Variants in ZNF609 observed in about 807,000 individuals in gnomAD.
ZNF609 encodes the protein zinc finger protein 609.
Under a neutral mutation model 109.5 loss-of-function variants are expected in ZNF609, and 11 were observed. The observed-to-expected ratio is 0.10, with a 90% CI of 0.06 to 0.17. The LOEUF is 0.17. Among genes scored for constraint, ZNF609 ranks in the 10% least tolerant of loss-of-function variants. The pLI is 1.00. For synonymous variants in ZNF609, 646 were observed against 662.0 expected, an observed-to-expected ratio of 0.98 and a Z score of 0.37; for missense variants, 1,559 against 1,772.4, an observed-to-expected ratio of 0.88 and a Z score of 2.16.
intron 3 of ZNF609, among the ~76,000 whole-genome samples, chr15:64,624,294 T>A (rs1041220862): frequency 6.6e-6 from 1 of 152,200 alleles, no homozygotes; most frequent in African/African-American, 2.4e-5. Flanking sequence ...TCTGGATATG[T>A]GTATACAATA....
chr15:64,488,827 C>CTT (rs1893368156), intron 1 of ZNF609, among the ~76,000 whole-genome samples: 1 of 151,832 alleles, frequency 6.6e-6, no homozygotes, highest in African/African-American at 2.4e-5. Context: ...AATTCCAGCA[C>CTT]TTTGGGAGGC....
At chr15:64,636,994 C>T (rs1879135183) in intron 3 of ZNF609, among the ~76,000 whole-genome samples, 1 of 152,140 alleles carries the variant, frequency 6.6e-6, no homozygotes, top group African/African-American at 2.4e-5. Context: ...CATGTGATAC[C>T]AGCACCTAGA....
chr15:64,481,911 A>T (rs1488087867), intron 1 of ZNF609, among the ~76,000 whole-genome samples: 1 of 151,950 alleles, frequency 6.6e-6, no homozygotes, highest in Non-Finnish European at 1.5e-5. Flanking sequence ...CAGCCTCCTG[A>T]GTAGCTGGGA....
chr15:64,575,603 CT>C (rs1301778219), intron 2 of ZNF609, among the ~76,000 whole-genome samples: 1 of 151,990 alleles, frequency 6.6e-6, no homozygotes, highest in Admixed American at 6.6e-5. Context: ...ACCGAATTCT[CT>C]TTTCTTATTC....
chr15:64,522,971 TAA>T (rs34889677), intron 2 of ZNF609, among the ~76,000 whole-genome samples: 641 of 146,124 alleles, frequency 4.4e-3, no homozygotes, highest in Non-Finnish European at 4.8e-3. Flanking sequence ...ACATTGTGGT[TAA>T]AAAAAAAAAA....
At chr15:64,645,438 T>A (rs1303136375) in intron 3 of ZNF609, among the ~76,000 whole-genome samples, 1 of 151,962 alleles carries the variant, frequency 6.6e-6, no homozygotes, top group Non-Finnish European at 1.5e-5. Flanking sequence ...TCCTCTGATT[T>A]TTTTTTTTAA....
At chr15:64,636,401 T>C (rs1227380105) in intron 3 of ZNF609, among the ~76,000 whole-genome samples, 3 of 152,198 alleles carry the variant, frequency 2.0e-5, no homozygotes, top group African/African-American at 7.2e-5. Flanking sequence ...GTTTTCTCCT[T>C]AGGGTATCTA....
Position 64,670,332 on chromosome 15 carries a change from C to T in ZNF609, c.974-14C>T. ...GGTGTGTCTTGTCTATATCTATGTGCTCTTATTTTCCAGGGATGTTGGTGG... is the reference window on the plus strand; with the variant it reads ...GGTGTGTCTTGTCTATATCTATGTGTTCTTATTTTCCAGGGATGTTGGTGG... On this transcript the variant is annotated splice_polypyrimidine_tract_variant and intron_variant, in intron 3 of 9. Transcript: ENST00000326648. 1 of 1,609,426 alleles carries T rather than the reference C, an allele frequency of 6.2e-7. No homozygotes were observed. The highest frequency in any genetic ancestry group is 8.5e-7 in the Non-Finnish European group (1 of 1,175,868).
intron 2 of ZNF609, among the ~76,000 whole-genome samples, chr15:64,540,555 C>T (rs1251694036): frequency 6.6e-6 from 1 of 151,746 alleles, no homozygotes; most frequent in East Asian, 2.0e-4. Context: ...CAGGTGCGTG[C>T]CACTGTGCCC....
chr15:64,522,818 G>A (rs1181440409), intron 2 of ZNF609, among the ~76,000 whole-genome samples: 2 of 152,060 alleles, frequency 1.3e-5, no homozygotes, highest in Admixed American at 6.5e-5. Context: ...TTTCCTTGCT[G>A]GAGTAGCATT....
At chr15:64,650,316 C>G (rs560839600) in intron 3 of ZNF609, among the ~76,000 whole-genome samples, 185 of 150,302 alleles carry the variant, frequency 1.2e-3, no homozygotes, top group African/African-American at 4.3e-3. Flanking sequence ...ACTTGGGAGG[C>G]TGAGGCAGGA....
chr15:64,484,690 A>AG (rs1893306326), intron 1 of ZNF609, among the ~76,000 whole-genome samples: 1 of 141,704 alleles, frequency 7.1e-6, no homozygotes, highest in Admixed American at 7.2e-5. Context: ...AAAAAAAAAA[A>AG]AAAAGCTGGA....
chr15:64,498,787 C>T (rs1893518150), intron 1 of ZNF609, among the ~76,000 whole-genome samples: 1 of 152,066 alleles, frequency 6.6e-6, no homozygotes, highest in Non-Finnish European at 1.5e-5. Context: ...CTTTTCCTTC[C>T]CAATAGTAGG....
intron 3 of ZNF609, among the ~76,000 whole-genome samples, chr15:64,656,422 ATATT>A (rs1361402179): frequency 2.6e-5 from 4 of 152,164 alleles, no homozygotes; most frequent in Admixed American, 1.3e-4. Flanking sequence ...CAATTAACAA[ATATT>A]TATTTAGCAT....
intron 2 of ZNF609, among the ~76,000 whole-genome samples, chr15:64,606,030 C>T (rs1288955867): frequency 1.4e-5 from 2 of 147,084 alleles, no homozygotes; most frequent in African/African-American, 2.5e-5. Flanking sequence ...GCTGGGATTA[C>T]AGGTGTGAGC....
intron 2 of ZNF609, among the ~76,000 whole-genome samples, chr15:64,568,000 T>C: frequency 6.6e-6 from 1 of 152,290 alleles, no homozygotes; most frequent in South Asian, 2.1e-4. Context: ...TATGAATAAT[T>C]TTAAACATAC....
At chr15:64,590,015 C>G (rs1895266841) in intron 2 of ZNF609, among the ~76,000 whole-genome samples, 1 of 152,156 alleles carries the variant, frequency 6.6e-6, no homozygotes, top group African/African-American at 2.4e-5. Flanking sequence ...TTCAAGTTTG[C>G]TAGAAAGTTG....
intron 2 of ZNF609, among the ~76,000 whole-genome samples, chr15:64,550,542 TAAAA>T (rs1158047831): frequency 6.9e-6 from 1 of 143,906 alleles, no homozygotes; most frequent in African/African-American, 2.5e-5. Flanking sequence ...AATAAATAAT[TAAAA>T]AAAAAAAGAG....
intron 2 of ZNF609, among the ~76,000 whole-genome samples, chr15:64,578,019 TATAG>T (rs1567019748): frequency 9.1e-6 from 1 of 110,486 alleles, no homozygotes; most frequent in Admixed American, 1.1e-4. Context: ...AAAAATAAAA[TATAG>T]ATAATTATTT....
Sources: gnomAD v4.1 joint callset for allele counts (sites outside exome capture counted in the v4.1 genomes callset) on GRCh38, gnomAD v4.1.1 for gene constraint, MANE v1.5 for transcripts, NCBI Gene and HGNC (gene_info 2026-07-23, HGNC 2026-07-21) for gene names.